Variants in FGF13 observed in about 807,000 individuals in gnomAD.
FGF13 encodes fibroblast growth factor 13, also known as fibroblast growth factor homologous factor 2.
In FGF13, 2 loss-of-function variants were observed where a neutral mutation model predicts 19.5. The ratio of observed to expected loss-of-function variants is 0.10; its 90% CI spans 0.04 to 0.32. FGF13 has a LOEUF of 0.32. Ranked by LOEUF, FGF13 falls within the 10% of genes least tolerant of loss-of-function variation. The pLI, the probability that FGF13 is intolerant of heterozygous loss-of-function variation, is 1.00. For missense variants in FGF13, 113 were observed against 192.7 expected (o/e 0.59, Z 2.45); for synonymous variants, 72 against 76.9 (o/e 0.94, Z 0.33).
chrX:139,012,285 A>G (rs768377232), intron 1 of FGF13, among the ~76,000 whole-genome samples: 4 of 111,563 alleles, frequency 3.6e-5, no homozygotes, highest in African/African-American at 1.3e-4. Flanking sequence ...CAATCTACAA[A>G]TTTAATGCAA....
intron 1 of FGF13, among the ~76,000 whole-genome samples, chrX:139,043,333 T>A (rs1383854716): frequency 9.0e-6 from 1 of 110,735 alleles, no homozygotes; most frequent in African/African-American, 3.3e-5. Context: ...TGCCTCAGTC[T>A]CCTGAGTAGC....
Position 138,772,018 on chromosome X carries a change from GTATATATATATATATATATA to G in FGF13, c.218-63110_218-63091del, listed in dbSNP as rs56411673. Among the ~76,000 whole-genome samples the G allele has an allele frequency of 1.8e-3, 101 of 56,519 alleles. 1 individual carries two copies. The highest frequency in any genetic ancestry group is 0.02 in the Middle Eastern group (1 of 49). 49.1% of individuals were successfully genotyped at this position (56,519 alleles called of 115,157 possible). Reference sequence around the variant, plus strand: ...AAAGCAAATATTAAGATACATATGTGTATATATATATATATATATATATATATATATATATATATAGTAAA... The same window carrying G: ...AAAGCAAATATTAAGATACATATGTGTATATATATATATATATATAGTAAA... On this transcript the variant is annotated intron_variant, in intron 3 of 6. Coordinates refer to the FGF13 transcript ENST00000436198.
chrX:139,060,744 CATT>C (rs1192603754), intron 1 of FGF13, among the ~76,000 whole-genome samples: 2 of 111,257 alleles, frequency 1.8e-5, no homozygotes, highest in South Asian at 3.7e-4. Context: ...ACTTTTTTCT[CATT>C]AGAAGGCTCT....
intron 1 of FGF13, among the ~76,000 whole-genome samples, chrX:139,008,472 A>G (rs2092113877): frequency 8.9e-6 from 1 of 112,400 alleles, no homozygotes; most frequent in Non-Finnish European, 1.9e-5. Context: ...CCTTCACCGG[A>G]GCAGGTGCTG....
chrX:139,088,172 C>T (rs1366841443), intron 1 of FGF13, among the ~76,000 whole-genome samples: 1 of 112,085 alleles, frequency 8.9e-6, no homozygotes, highest in Non-Finnish European at 1.9e-5. Flanking sequence ...AGTTCTGATA[C>T]ATTTGGAGCG....
chrX:138,796,029 T>C (rs1461905735), intron 3 of FGF13, among the ~76,000 whole-genome samples: 1 of 110,717 alleles, frequency 9.0e-6, no homozygotes, highest in Admixed American at 9.6e-5. Context: ...TCTTCTTGAA[T>C]TTTTTTTAGT....
chrX:138,934,597 G>T (rs1205525239), intron 1 of FGF13, among the ~76,000 whole-genome samples: 1 of 112,596 alleles, frequency 8.9e-6, no homozygotes, highest in Non-Finnish European at 1.9e-5. Flanking sequence ...TCTGCTTACA[G>T]CTTTGAAAAT....
At chrX:138,924,643 C>G (rs1046856723) in intron 1 of FGF13, among the ~76,000 whole-genome samples, 2 of 111,244 alleles carry the variant, frequency 1.8e-5, no homozygotes, top group African/African-American at 6.6e-5. Flanking sequence ...AGCACCTATA[C>G]TGTGCTTCCC....
intron 3 of FGF13, among the ~76,000 whole-genome samples, chrX:138,833,980 AAC>A (rs1478091334): frequency 8.9e-6 from 1 of 111,780 alleles, no homozygotes; most frequent in Non-Finnish European, 1.9e-5. Flanking sequence ...GTGTATGCTG[AAC>A]CAACCTTGCA....
intron 3 of FGF13, among the ~76,000 whole-genome samples, chrX:138,690,389 G>A (rs768389063): frequency 2.7e-5 from 3 of 111,044 alleles, no homozygotes; most frequent in East Asian, 5.7e-4. Flanking sequence ...ATTGGAACTT[G>A]AAATTATAGA....
chrX:138,931,490 A>G (rs936024817), intron 1 of FGF13, among the ~76,000 whole-genome samples: 1 of 112,116 alleles, frequency 8.9e-6, no homozygotes, highest in Non-Finnish European at 1.9e-5. Flanking sequence ...TCAAGAATCA[A>G]AACGATGAAC....
chrX:139,008,396 C>A (rs1055820078), intron 1 of FGF13, among the ~76,000 whole-genome samples: 1 of 112,573 alleles, frequency 8.9e-6, no homozygotes, highest in Non-Finnish European at 1.9e-5. Flanking sequence ...AAACACAAAA[C>A]CAGCACACTA....
intron 3 of FGF13, among the ~76,000 whole-genome samples, chrX:138,663,596 T>C (rs767610489): frequency 8.9e-6 from 1 of 111,873 alleles, no homozygotes; most frequent in South Asian, 3.7e-4. Context: ...ATTTGTTTTA[T>C]ATTTTAATTC....
At chrX:138,818,315 A>G (rs1270296931) in intron 3 of FGF13, among the ~76,000 whole-genome samples, 2 of 110,512 alleles carry the variant, frequency 1.8e-5, no homozygotes, top group East Asian at 2.8e-4. Context: ...AATAACTTCA[A>G]TGACAGGAAA....
At chrX:139,000,353 AAG>A (rs1358173220) in intron 1 of FGF13, among the ~76,000 whole-genome samples, 5 of 111,863 alleles carry the variant, frequency 4.5e-5, no homozygotes, top group Admixed American at 2.9e-4. Context: ...AGGCAAGAGA[AAG>A]AGATAAAGGG....
chrX:139,179,372 C>T (rs372261235), intron 1 of FGF13, among the ~76,000 whole-genome samples: 4 of 110,355 alleles, frequency 3.6e-5, no homozygotes, highest in South Asian at 3.9e-4. Context: ...CCTCTCTTTT[C>T]GCAAAAAATC....
At chrX:138,760,783 G>A (rs1455366360) in intron 3 of FGF13, among the ~76,000 whole-genome samples, 1 of 111,814 alleles carries the variant, frequency 8.9e-6, no homozygotes. Flanking sequence ...AATGTACCAT[G>A]AGGACTTTAT....
At chrX:138,636,720 G>C (rs1957002917) in intron 3 of FGF13, among the ~76,000 whole-genome samples, 1 of 111,861 alleles carries the variant, frequency 8.9e-6, no homozygotes, top group African/African-American at 3.3e-5. Context: ...AATTTGCTGA[G>C]ATGTTATCAG....
At chrX:138,698,162 G>A (rs750843652) in intron 3 of FGF13, among the ~76,000 whole-genome samples, 5 of 110,721 alleles carry the variant, frequency 4.5e-5, no homozygotes, top group Non-Finnish European at 9.5e-5. Flanking sequence ...AAAAAAAAGG[G>A]CGGGGAAGGG....
Sources: gnomAD v4.1 joint callset for allele counts (sites outside exome capture counted in the v4.1 genomes callset) on GRCh38, gnomAD v4.1.1 for gene constraint, MANE v1.5 for transcripts, NCBI Gene and HGNC (gene_info 2026-07-23, HGNC 2026-07-21) for gene names.